NEBL: variants seen among roughly 807,000 people sequenced by gnomAD.
The protein encoded by NEBL is LIM and SH3 protein 2.
A neutral mutation model predicts 140.2 loss-of-function variants in NEBL; 122 were observed. That is an observed-to-expected ratio of 0.87 (90% CI 0.75 to 1.01). The LOEUF is 1.01. Ranked by LOEUF, NEBL falls within the 50% of genes least tolerant of loss-of-function variation. The pLI is 0.00. For synonymous variants in NEBL, 436 were observed against 398.9 expected (o/e 1.09, Z -1.11); for missense variants, 1,365 against 1,231.3 (o/e 1.11, Z -1.62).
chr10:20,956,082 G>A (rs1835789074), intron 4 of NEBL, among the ~76,000 whole-genome samples: 1 of 152,016 alleles, frequency 6.6e-6, no homozygotes, highest in Admixed American at 6.6e-5. Context: ...GAAAAATTGA[G>A]GCTAAAAAGA....
intron 14 of NEBL, among the ~76,000 whole-genome samples, chr10:20,833,335 A>G (rs1031678469): frequency 4.6e-5 from 7 of 152,256 alleles, no homozygotes; most frequent in African/African-American, 7.2e-5. Flanking sequence ...TTTGTGTCAC[A>G]ATAAGATCCA....
chr10:20,854,678 T>C (rs1842878163), intron 9 of NEBL, among the ~76,000 whole-genome samples: 1 of 145,132 alleles, frequency 6.9e-6, no homozygotes, highest in East Asian at 2.3e-4. Context: ...AATCTTCCCA[T>C]CTTAGCCTCC....
chr10:21,226,917 C>T (rs1305938569), intron 3 of NEBL, among the ~76,000 whole-genome samples: 7 of 152,146 alleles, frequency 4.6e-5, no homozygotes, highest in Admixed American at 1.3e-4. Flanking sequence ...AAAGGACCAT[C>T]ACTGGAGGCT....
chr10:21,084,267 C>CAT (rs1471102870), intron 2 of NEBL, among the ~76,000 whole-genome samples: 2 of 152,246 alleles, frequency 1.3e-5, no homozygotes, highest in Non-Finnish European at 2.9e-5. Context: ...TGCAGCTATA[C>CAT]ATACATTGTT....
intron 2 of NEBL, among the ~76,000 whole-genome samples, chr10:21,063,780 G>C (rs1835404936): frequency 6.6e-6 from 1 of 152,160 alleles, no homozygotes; most frequent in African/African-American, 2.4e-5. Context: ...TGAGGAAGGA[G>C]AATGGCGTGA....
At chr10:21,210,776 C>T (rs73609235) in intron 3 of NEBL, among the ~76,000 whole-genome samples, 4 of 152,278 alleles carry the variant, frequency 2.6e-5, no homozygotes, top group African/African-American at 2.4e-5. Flanking sequence ...GAGGAACATA[C>T]GTTAAGATAT....
chr10:21,010,030 T>C (rs1193322875), intron 3 of NEBL, among the ~76,000 whole-genome samples: 2 of 152,160 alleles, frequency 1.3e-5, no homozygotes, highest in Non-Finnish European at 2.9e-5. Flanking sequence ...TTTAAGGCCA[T>C]TACGAGACAG....
intron 2 of NEBL, among the ~76,000 whole-genome samples, chr10:20,892,064 G>A (rs943303927): frequency 7.2e-5 from 11 of 152,050 alleles, no homozygotes; most frequent in Non-Finnish European, 1.2e-4. Flanking sequence ...TTACAATTTC[G>A]GGTTGACACC....
At chr10:21,191,763 A>C (rs546957613) in intron 3 of NEBL, among the ~76,000 whole-genome samples, 67 of 152,286 alleles carry the variant, frequency 4.4e-4, no homozygotes, top group African/African-American at 1.5e-3. Context: ...CTTATCAAAA[A>C]CCAAATCTCA....
intron 2 of NEBL, among the ~76,000 whole-genome samples, chr10:21,108,126 A>G (rs575076793): frequency 1.7e-4 from 26 of 151,962 alleles, no homozygotes; most frequent in African/African-American, 6.0e-4. Context: ...CCTGGATTCA[A>G]TGATTTTTGA....
chr10:21,276,446 A>G (rs192246640), intron 1 of NEBL, among the ~76,000 whole-genome samples: 2 of 152,246 alleles, frequency 1.3e-5, no homozygotes, highest in Admixed American at 6.5e-5. Flanking sequence ...TGAGACCCAC[A>G]CTTCCTATAA....
At chr10:21,153,497 T>C (rs1589290589) in intron 2 of NEBL, among the ~76,000 whole-genome samples, 1 of 151,374 alleles carries the variant, frequency 6.6e-6, no homozygotes, top group Non-Finnish European at 1.5e-5. Flanking sequence ...ACCTGGCTAA[T>C]TTTTTATATA....
chr10:21,287,263 C>T (rs1188733667), intron 1 of NEBL, among the ~76,000 whole-genome samples: 1 of 152,104 alleles, frequency 6.6e-6, no homozygotes, highest in African/African-American at 2.4e-5. Context: ...AGGCTGGGCT[C>T]AGTAGTTCAT....
At chr10:21,034,255 G>T (rs1833926774) in intron 2 of NEBL, among the ~76,000 whole-genome samples, 1 of 150,398 alleles carries the variant, frequency 6.6e-6, no homozygotes, top group South Asian at 2.1e-4. Flanking sequence ...AAATACTATG[G>T]TCTATAAATG....
intron 1 of NEBL, among the ~76,000 whole-genome samples, chr10:21,286,643 T>C (rs1254326100): frequency 6.6e-6 from 1 of 152,104 alleles, no homozygotes; most frequent in East Asian, 1.9e-4. Context: ...CCATCCTGGC[T>C]AACACAGTGA....
intron 2 of NEBL, among the ~76,000 whole-genome samples, chr10:21,032,161 G>A (rs1287900477): frequency 6.6e-6 from 1 of 152,182 alleles, no homozygotes; most frequent in Non-Finnish European, 1.5e-5. Context: ...TAACATTAGT[G>A]CAACAATTCT....
chr10:20,973,757 G>A (rs1246530584), intron 3 of NEBL, among the ~76,000 whole-genome samples: 1 of 152,204 alleles, frequency 6.6e-6, no homozygotes. Context: ...GTTTGATTTA[G>A]GAACTAGAAC....
chr10:20,963,003 A>ACACACACACACAC (rs1836121875), intron 3 of NEBL, among the ~76,000 whole-genome samples: 1 of 143,210 alleles, frequency 7.0e-6, no homozygotes, highest in Non-Finnish European at 1.5e-5. Context: ...TTGAAAGAAA[A>ACACACACACACAC]ACACACACAC....
At position 20,828,561 on chromosome 10, in the gene NEBL, C is replaced by T. The variant is rs1422336561; in HGVS notation, c.1745G>A (p.Arg582Lys). ...STIADTPEIQ[R>K]IKTTQQNISA... The stretch of plus-strand genomic sequence containing the variant: ...AATGTTTTGTTGAGTTGTCTTAATT[C>T]TCTGAATTTCAGGAGTATCTGCTAT... The change falls in exon 17 of 28, where the codon AGA (arginine) becomes AAA (lysine). Residue 582 changes from arginine (R) to lysine (K), a missense_variant. Arg to Lys is a conservative substitution (Grantham distance 26). Around this residue, in one of 2 missense-constraint regions of NEBL, gnomAD observed 1,323 missense variants for 1,154.8 expected, o/e 1.15. Coordinates refer to ENST00000377122, the MANE Select transcript of NEBL (RefSeq NM_006393.3). 1 of 1,594,618 alleles carries T rather than the reference C, an allele frequency of 6.3e-7. No individual in the cohort carries two copies.
Sources: allele counts gnomAD v4.1 joint callset (sites outside exome capture counted in the v4.1 genomes callset), GRCh38; gene constraint gnomAD v4.1.1; regional missense constraint gnomAD v4.1.1; transcripts MANE v1.5; gene names NCBI Gene and HGNC (gene_info 2026-07-23, HGNC 2026-07-21).